The following SORCS1 variants were observed in gnomAD, a reference collection of about 807,000 sequenced individuals.
SORCS1 encodes the protein sortilin related VPS10 domain containing receptor 1, also known as VPS10 domain-containing receptor SorCS1.
Under a neutral mutation model 146.1 loss-of-function variants are expected in SORCS1, and 60 were observed. The ratio of observed to expected loss-of-function variants is 0.41; its 90% CI spans 0.33 to 0.51. SORCS1 has a LOEUF of 0.51. SORCS1 is among the 20% of genes least tolerant of loss of function. The pLI is 0.21. For missense variants in SORCS1, 1,352 were observed against 1,487.6 expected, an observed-to-expected ratio of 0.91 and a Z score of 1.50; for synonymous variants, 637 against 584.0, an observed-to-expected ratio of 1.09 and a Z score of -1.31.
intron 1 of SORCS1, among the ~76,000 whole-genome samples, chr10:107,090,409 G>A (rs1964101793): frequency 6.6e-6 from 1 of 152,186 alleles, no homozygotes; most frequent in Admixed American, 6.5e-5. Context: ...TAGAAAGAGA[G>A]CACAGAGGAG....
At chr10:107,102,713 C>T (rs1399769032) in intron 1 of SORCS1, among the ~76,000 whole-genome samples, 1 of 152,176 alleles carries the variant, frequency 6.6e-6, no homozygotes, top group Non-Finnish European at 1.5e-5. Context: ...TTCGGCTTAA[C>T]TCAGCCTTTT....
At chr10:106,865,806 G>A (rs1328120073) in intron 2 of SORCS1, among the ~76,000 whole-genome samples, 1 of 151,654 alleles carries the variant, frequency 6.6e-6, no homozygotes, top group African/African-American at 2.4e-5. Context: ...GCCCAGGCAG[G>A]CAGATCACCT....
At chr10:106,908,096 G>A (rs1023282635) in intron 2 of SORCS1, among the ~76,000 whole-genome samples, 15 of 151,992 alleles carry the variant, frequency 9.9e-5, no homozygotes, top group Non-Finnish European at 2.2e-4. Flanking sequence ...TACAGGTCAG[G>A]ACTATATGTC....
intron 1 of SORCS1, among the ~76,000 whole-genome samples, chr10:107,072,672 A>C (rs1253129464): frequency 6.6e-6 from 1 of 151,760 alleles, no homozygotes; most frequent in Non-Finnish European, 1.5e-5. Flanking sequence ...GAACACTTGC[A>C]TTATTTGCGT....
chr10:107,099,105 C>T (rs1039810265), intron 1 of SORCS1, among the ~76,000 whole-genome samples: 1 of 152,122 alleles, frequency 6.6e-6, no homozygotes, highest in Non-Finnish European at 1.5e-5. Context: ...AAGGTATTGA[C>T]AAAATTCTAC....
At chr10:106,772,514 C>T (rs564187865) in intron 4 of SORCS1, among the ~76,000 whole-genome samples, 36 of 152,056 alleles carry the variant, frequency 2.4e-4, no homozygotes, top group Middle Eastern at 3.4e-3. Flanking sequence ...CTCTCCTCCC[C>T]TTATTGGTTC....
At chr10:107,017,176 T>C (rs978919080) in intron 1 of SORCS1, among the ~76,000 whole-genome samples, 6 of 152,210 alleles carry the variant, frequency 3.9e-5, no homozygotes, top group African/African-American at 1.4e-4. Flanking sequence ...ATGCATATAT[T>C]TGAGCCTAAA....
intron 1 of SORCS1, among the ~76,000 whole-genome samples, chr10:107,096,679 T>C (rs1964564571): frequency 6.6e-6 from 1 of 152,118 alleles, no homozygotes; most frequent in Non-Finnish European, 1.5e-5. Flanking sequence ...GCCTGGCTAA[T>C]TTTTGTAGTT....
chr10:106,776,466 G>A, intron 4 of SORCS1, 68 bp downstream of exon 4: 2 of 1,577,428 alleles, frequency 1.3e-6, no homozygotes, highest in Non-Finnish European at 1.7e-6. Context: ...ATGGAGAGAT[G>A]ATTAAATTAG....
At chr10:107,056,206 C>A (rs1407206587) in intron 1 of SORCS1, among the ~76,000 whole-genome samples, 1 of 151,994 alleles carries the variant, frequency 6.6e-6, no homozygotes, top group East Asian at 1.9e-4. Flanking sequence ...CAGAAAGGAG[C>A]CTAGATGAAG....
intron 5 of SORCS1, among the ~76,000 whole-genome samples, chr10:106,746,760 G>C (rs1441580121): frequency 1.3e-5 from 2 of 152,206 alleles, no homozygotes; most frequent in Non-Finnish European, 2.9e-5. Flanking sequence ...ACATAAAGAT[G>C]TTGGGTCCAG....
At chr10:106,755,400 G>A (rs145018064) in intron 5 of SORCS1, among the ~76,000 whole-genome samples, 253 of 152,148 alleles carry the variant, frequency 1.7e-3, no homozygotes, top group African/African-American at 5.8e-3. Flanking sequence ...GATAATAACC[G>A]CTACCATATA....
intron 5 of SORCS1, among the ~76,000 whole-genome samples, chr10:106,733,920 C>T (rs1192150182): frequency 1.3e-5 from 2 of 152,274 alleles, no homozygotes; most frequent in East Asian, 1.9e-4. Context: ...TCTTAATACA[C>T]CGGACTCCCA....
At chr10:106,903,490 T>C (rs1951799249) in intron 2 of SORCS1, among the ~76,000 whole-genome samples, 1 of 152,224 alleles carries the variant, frequency 6.6e-6, no homozygotes, top group Admixed American at 6.5e-5. Context: ...CTATTGTTAC[T>C]TGGCTCTGTG....
intron 18 of SORCS1, among the ~76,000 whole-genome samples, chr10:106,641,001 G>A (rs1849037667): frequency 6.6e-6 from 1 of 152,178 alleles, no homozygotes; most frequent in African/African-American, 2.4e-5. Context: ...GTGCATGTGT[G>A]TTCTTCTTGC....
At chr10:106,870,299 A>G (rs1381631176) in intron 2 of SORCS1, among the ~76,000 whole-genome samples, 1 of 152,178 alleles carries the variant, frequency 6.6e-6, no homozygotes, top group African/African-American at 2.4e-5. Flanking sequence ...TGTTATTCTT[A>G]TCAAACTACC....
rs188994541 is a variant in SORCS1 at position 106,629,878 on chromosome 10, T to C, written c.2476-490A>G. Among the ~76,000 whole-genome samples the C allele has an allele frequency of 1.8e-3, 267 of 152,262 alleles. 2 individuals are homozygous for C. The highest frequency in any genetic ancestry group is 5.9e-3 in the African/African-American group (247 of 41,542). On this transcript the variant is annotated intron_variant, in intron 18 of 25. Coordinates refer to ENST00000263054, the MANE Select transcript of SORCS1 (RefSeq NM_052918.5). ...GGCCAACATGGTGAAACCCCGTCTC[T>C]ACTAAAAATACAAAAATTAGCTGGG...
intron 16 of SORCS1, among the ~76,000 whole-genome samples, chr10:106,668,097 A>G (rs115623479): frequency 1.1e-3 from 166 of 152,306 alleles, no homozygotes; most frequent in African/African-American, 3.7e-3. Flanking sequence ...ACGATACACA[A>G]TACAGGTGGC....
rs950755920 is a variant in SORCS1 at position 106,960,389 on chromosome 10, T to C, written c.559-3809A>G. Reference sequence around the variant, plus strand: ...TTTGGGAGGAACTTCACTTGGTCCATACGTTTTCTCTTTTTCTTTTTCTTT... The same window carrying C: ...TTTGGGAGGAACTTCACTTGGTCCACACGTTTTCTCTTTTTCTTTTTCTTT... On this transcript the variant is annotated intron_variant, in intron 1 of 25. Transcript: ENST00000263054. This position sits in a 1 kb window ranked among gnomAD's most constrained non-coding sequence, Gnocchi z 4.4. 6.6e-6 allele frequency among the ~76,000 whole-genome samples: 1 copy of C among 151,882 alleles called. No homozygotes were observed. Among genetic ancestry groups the C allele is most frequent in the South Asian group, 2.1e-4 (1 of 4,826 alleles).
Sources: allele counts gnomAD v4.1 joint callset (sites outside exome capture counted in the v4.1 genomes callset), GRCh38; gene constraint gnomAD v4.1.1; non-coding constraint Gnocchi (gnomAD v3.1); transcripts MANE v1.5; gene names NCBI Gene and HGNC (gene_info 2026-07-23, HGNC 2026-07-21).